Variants in NUP160 observed in about 807,000 individuals in gnomAD.
NUP160 encodes nuclear pore complex protein Nup160.
In NUP160, 94 loss-of-function variants were observed where a neutral mutation model predicts 196.9. The ratio of observed to expected loss-of-function variants is 0.48; its 90% CI spans 0.40 to 0.57. The LOEUF (loss-of-function observed/expected upper bound fraction) is 0.57. Ranked by LOEUF, NUP160 falls within the 20% of genes least tolerant of loss-of-function variation. The probability of loss-of-function intolerance (pLI) is 0.00; values close to 1 mark genes in which losing one functional copy is unlikely to be tolerated. For missense variants in NUP160, 1,638 were observed against 1,748.3 expected, an observed-to-expected ratio of 0.94 and a Z score of 1.13; for synonymous variants, 605 against 619.7, an observed-to-expected ratio of 0.98 and a Z score of 0.35.
chr11:47,811,484 GAA>G (rs1380863683), intron 17 of NUP160, among the ~76,000 whole-genome samples: 2 of 97,272 alleles, frequency 2.1e-5, no homozygotes, highest in African/African-American at 3.6e-5. Flanking sequence ...ATTGTCTCAA[GAA>G]AAAAAAAAAA....
At position 47,837,634 on chromosome 11, in the gene NUP160, AT is replaced by A. The variant is rs755671039; in HGVS notation, c.749-12del. ...CGACTGACACCATACCTGCAATGATATCCAAGGCACCTCTTGAACACACTTA... is the reference window on the plus strand; with the variant it reads ...CGACTGACACCATACCTGCAATGATACCAAGGCACCTCTTGAACACACTTA... On this transcript the variant is annotated splice_polypyrimidine_tract_variant and intron_variant, in intron 4 of 35. Transcript: ENST00000378460. 9.3e-6 allele frequency: 15 copies of A among 1,609,786 alleles called. No individual in the cohort carries two copies. In the African/African-American group the frequency reaches 2.0e-4, roughly 22 times the overall value.
At chr11:47,813,656 C>G (rs1422692450) in intron 13 of NUP160, among the ~76,000 whole-genome samples, 3 of 151,310 alleles carry the variant, frequency 2.0e-5, no homozygotes, top group Non-Finnish European at 4.4e-5. Context: ...ATGATGAAAC[C>G]CCATCTCTAA....
At chr11:47,785,151 T>A in intron 32 of NUP160, 88 bp from the exon 33 acceptor site, 3 of 588,178 alleles carry the variant, frequency 5.1e-6, no homozygotes, top group Non-Finnish European at 7.7e-6. Context: ...CAAGGAAAAC[T>A]TTTTTTTCAG....
intron 33 of NUP160, among the ~76,000 whole-genome samples, chr11:47,783,406 G>A (rs536493391): frequency 2.0e-5 from 3 of 151,810 alleles, no homozygotes; most frequent in South Asian, 2.1e-4. Flanking sequence ...CCTAAGAGCC[G>A]TTACCTCTAG....
intron 33 of NUP160, 93 bp from the exon 34 acceptor site, chr11:47,783,291 G>C: frequency 7.0e-7 from 1 of 1,434,522 alleles, no homozygotes; most frequent in Non-Finnish European, 9.3e-7. Context: ...CCTAACATTT[G>C]TATTTCTCAA....
chr11:47,847,436 C>T (rs1302822077), intron 2 of NUP160, among the ~76,000 whole-genome samples: 5 of 152,080 alleles, frequency 3.3e-5, no homozygotes, highest in East Asian at 1.9e-4. Flanking sequence ...CAACGTCTTG[C>T]ATGATGAAAA....
chr11:47,812,771 G>T, intron 15 of NUP160, 111 bp downstream of exon 15: 3 of 801,452 alleles, frequency 3.7e-6, no homozygotes, highest in African/African-American at 1.7e-5. Context: ...GCATCAGTTT[G>T]ACTTTAAGCT....
At chr11:47,796,432 CATG>C (rs996440026) in intron 27 of NUP160, 4 of 312,936 alleles carry the variant, frequency 1.3e-5, no homozygotes, top group Non-Finnish European at 2.3e-5. Context: ...TTAAAAAAAT[CATG>C]ATGTCTTTAA....
chr11:47,788,110 CTGTT>C, intron 31 of NUP160, 68 bp downstream of exon 31: 1 of 1,307,390 alleles, frequency 7.6e-7, no homozygotes, highest in East Asian at 2.3e-5. Context: ...CTTATGACGA[CTGTT>C]TCACACTGAG....
At chr11:47,781,139 C>G (rs1294448093) in intron 34 of NUP160, among the ~76,000 whole-genome samples, 3 of 151,980 alleles carry the variant, frequency 2.0e-5, no homozygotes, top group Non-Finnish European at 2.9e-5. Context: ...TGAAGAATTG[C>G]TTGAACCCGG....
exon 3 of NUP160, chr11:47,840,503 T>G (rs1039308856): frequency 1.2e-6 from 2 of 1,613,974 alleles, no homozygotes; most frequent in African/African-American, 2.7e-5. Flanking sequence ...ACACTGCAAT[T>G]TTGGAATTTT....
At chr11:47,828,753 G>C (rs1419262344) in intron 7 of NUP160, among the ~76,000 whole-genome samples, 1 of 152,160 alleles carries the variant, frequency 6.6e-6, no homozygotes, top group Non-Finnish European at 1.5e-5. Context: ...TAGATCAATG[G>C]AACAGAATTG....
chr11:47,798,224 A>G, exon 25 of NUP160: 2 of 1,612,712 alleles, frequency 1.2e-6, no homozygotes, highest in Non-Finnish European at 1.7e-6. Flanking sequence ...TGTGACCCAA[A>G]TCCAAATGAT....
chr11:47,822,991 C>G (rs1262800532), intron 7 of NUP160, among the ~76,000 whole-genome samples: 4 of 152,240 alleles, frequency 2.6e-5, no homozygotes, highest in African/African-American at 9.6e-5. Context: ...TGGGTTGGTT[C>G]CAAGTCTTTG....
intron 33 of NUP160, among the ~76,000 whole-genome samples, 166 bp from the exon 34 acceptor site, chr11:47,783,364 C>CA (rs2097662587): frequency 6.6e-6 from 1 of 151,506 alleles, no homozygotes; most frequent in Non-Finnish European, 1.5e-5. Context: ...GATAACAAAT[C>CA]TGGGGAGTTA....
chr11:47,825,023 G>T (rs551617101), intron 7 of NUP160, among the ~76,000 whole-genome samples: 3 of 151,818 alleles, frequency 2.0e-5, no homozygotes, highest in Non-Finnish European at 4.4e-5. Context: ...TTTTAGTAGA[G>T]ACAGGGTTTC....
At chr11:47,813,013 T>C (rs745397300) in exon 15 of NUP160, 4 of 1,611,916 alleles carry the variant, frequency 2.5e-6, no homozygotes, top group Non-Finnish European at 3.4e-6. Flanking sequence ...GGAGGCATTT[T>C]ATAAGACATA....
At chr11:47,804,476 T>G in intron 21 of NUP160, 73 bp downstream of exon 21, 1 of 998,446 alleles carries the variant, frequency 1.0e-6, no homozygotes, top group South Asian at 1.6e-5. Context: ...CAGTTAACAT[T>G]TACAAAGAAA....
chr11:47,827,960 T>C (rs560732644), intron 7 of NUP160, among the ~76,000 whole-genome samples: 2 of 152,304 alleles, frequency 1.3e-5, no homozygotes, highest in Admixed American at 6.5e-5. Context: ...GCCTCAACCA[T>C]CCAGGCTCAA....
Sources: gnomAD v4.1 joint callset for allele counts (sites outside exome capture counted in the v4.1 genomes callset) on GRCh38, gnomAD v4.1.1 for gene constraint, MANE v1.5 for transcripts, NCBI Gene and HGNC (gene_info 2026-07-23, HGNC 2026-07-21) for gene names.